TMEM135: variants seen among roughly 807,000 people sequenced by gnomAD.
TMEM135 encodes the protein transmembrane protein 135.
Under a neutral mutation model 60.3 loss-of-function variants are expected in TMEM135, and 30 were observed. The ratio of observed to expected loss-of-function variants is 0.50; its 90% CI spans 0.37 to 0.68. The LOEUF is 0.68. Ranked by LOEUF, TMEM135 falls within the 30% of genes least tolerant of loss-of-function variation. The probability of loss-of-function intolerance (pLI) is 0.00; values close to 1 mark genes in which losing one functional copy is unlikely to be tolerated. For missense variants in TMEM135, 468 were observed against 548.8 expected (o/e 0.85, Z 1.47); for synonymous variants, 190 against 186.7 (o/e 1.02, Z -0.14).
rs1021706746 is a variant in TMEM135 at position 87,321,730 on chromosome 11, G to A, written c.*397G>A. ...AAATTAGGATTATTTCTACATTTTA[G>A]GATTTACAAAGGATCACGGGTACAT... On this transcript the variant is annotated 3_prime_UTR_variant, in exon 15 of 15. Coordinates refer to ENST00000305494, the MANE Select transcript of TMEM135 (RefSeq NM_022918.4). 16 of 456,832 alleles carry A rather than the reference G, an allele frequency of 3.5e-5. No homozygotes were observed. Among genetic ancestry groups the A allele is most frequent in the African/African-American group, 2.8e-4 (14 of 50,208 alleles). 28.3% of individuals were successfully genotyped at this position (456,832 alleles called of 1,614,324 possible).
intron 6 of TMEM135, among the ~76,000 whole-genome samples, chr11:87,279,282 G>T (rs914807068): frequency 3.3e-5 from 5 of 152,110 alleles, no homozygotes; most frequent in African/African-American, 1.2e-4. Context: ...AGGGGAGATG[G>T]TGTGTCTACT....
At chr11:87,116,190 A>G (rs934063746) in intron 4 of TMEM135, among the ~76,000 whole-genome samples, 1 of 152,168 alleles carries the variant, frequency 6.6e-6, no homozygotes, top group African/African-American at 2.4e-5. Flanking sequence ...ATATATTGTC[A>G]TAGTTTAAAA....
In TMEM135 at chr11:87,175,894, A is replaced by G. The variant is rs577052110; in HGVS notation, c.462+18488A>G. On this transcript the variant is annotated intron_variant, in intron 5 of 14. Transcript: ENST00000305494. ...AAATGTTTCTTTGTAGAAACATACCAAAAGAATTTTGCATATAATATTAGG... is the reference window on the plus strand; with the variant it reads ...AAATGTTTCTTTGTAGAAACATACCGAAAGAATTTTGCATATAATATTAGG... Among the ~76,000 whole-genome samples the G allele has an allele frequency of 1.9e-3, 285 of 151,888 alleles. 4 individuals carry two copies. Among genetic ancestry groups the G allele is most frequent in the African/African-American group, 6.4e-3 (266 of 41,560 alleles).
At chr11:87,251,153 T>A (rs1021316802) in intron 6 of TMEM135, among the ~76,000 whole-genome samples, 9 of 152,010 alleles carry the variant, frequency 5.9e-5, no homozygotes, top group Non-Finnish European at 7.4e-5. Context: ...AACAGTTGGG[T>A]ATTCAGAGCT....
chr11:87,130,504 T>C (rs1346482705), intron 4 of TMEM135, among the ~76,000 whole-genome samples: 1 of 152,108 alleles, frequency 6.6e-6, no homozygotes, highest in African/African-American at 2.4e-5. Context: ...ATATTGACAG[T>C]TCCTCCTTGT....
At chr11:87,304,282 G>T (rs936908526) in intron 8 of TMEM135, among the ~76,000 whole-genome samples, 2 of 152,058 alleles carry the variant, frequency 1.3e-5, no homozygotes, top group Non-Finnish European at 2.9e-5. Context: ...GAGGTGGGAG[G>T]ATTGCTTGAG....
chr11:87,170,032 C>CACATGTTATTTTATTAA (rs147009946), intron 5 of TMEM135, among the ~76,000 whole-genome samples: 3 of 150,752 alleles, frequency 2.0e-5, no homozygotes, highest in East Asian at 2.0e-4. Flanking sequence ...ATCTTGTCTT[C>CACATGTTATTTTATTAA]GTTGATCTTC....
At chr11:87,184,527 A>G (rs1591085396) in intron 5 of TMEM135, among the ~76,000 whole-genome samples, 2 of 152,184 alleles carry the variant, frequency 1.3e-5, no homozygotes, top group Admixed American at 6.5e-5. Flanking sequence ...CTTAGCTCAT[A>G]TAGTAAATGA....
chr11:87,228,383 A>G (rs1399414215), intron 5 of TMEM135, among the ~76,000 whole-genome samples: 1 of 152,184 alleles, frequency 6.6e-6, no homozygotes, highest in Non-Finnish European at 1.5e-5. Context: ...GAGTTATAAA[A>G]TATTAGAAAC....
At position 87,100,733 on chromosome 11, in the gene TMEM135, G is replaced by A. The variant is rs1397421305; in HGVS notation, c.396+9338G>A. ...AAAAATTAGCCAGGCGTGGTGGCATGCGCCTGTAATCCTACCTACTAGGGA... is the reference window on the plus strand; with the variant it reads ...AAAAATTAGCCAGGCGTGGTGGCATACGCCTGTAATCCTACCTACTAGGGA... On this transcript the variant is annotated intron_variant, in intron 4 of 14. Coordinates refer to ENST00000305494, the MANE Select transcript of TMEM135 (RefSeq NM_022918.4). 2.6e-5 allele frequency among the ~76,000 whole-genome samples: 4 copies of A among 152,202 alleles called. No homozygotes were observed. The East Asian group carries it at 7.7e-4, about 29-fold the overall frequency.
At chr11:87,188,512 G>A (rs1305960854) in intron 5 of TMEM135, among the ~76,000 whole-genome samples, 1 of 125,010 alleles carries the variant, frequency 8.0e-6, no homozygotes, top group Non-Finnish European at 1.6e-5. Context: ...GACCAGCCTG[G>A]CCAACATGAT....
At chr11:87,154,425 A>T (rs1028359364) in intron 4 of TMEM135, among the ~76,000 whole-genome samples, 2 of 152,226 alleles carry the variant, frequency 1.3e-5, no homozygotes, top group African/African-American at 4.8e-5. Context: ...GTTGTAAATA[A>T]TACTACTGTG....
chr11:87,111,650 CA>C (rs746609752), intron 4 of TMEM135, among the ~76,000 whole-genome samples: 634 of 73,938 alleles, frequency 8.6e-3, no homozygotes, highest in South Asian at 0.016. Context: ...GACTCCGTCT[CA>C]AAAAAAAAAA....
At chr11:87,069,122 TAAAAATACA>T (rs1474756435) in intron 2 of TMEM135, among the ~76,000 whole-genome samples, 1 of 150,504 alleles carries the variant, frequency 6.6e-6, no homozygotes, top group African/African-American at 2.4e-5. Context: ...CCGTCTCTAC[TAAAAATACA>T]AAAAATTAGC....
chr11:87,087,233 T>C (rs1333673457), intron 3 of TMEM135, among the ~76,000 whole-genome samples: 1 of 151,678 alleles, frequency 6.6e-6, no homozygotes, highest in Non-Finnish European at 1.5e-5. Context: ...TATAGTTATG[T>C]CTGCTAAGAC....
At chr11:87,102,268 CT>C (rs377400200) in intron 4 of TMEM135, among the ~76,000 whole-genome samples, 20 of 152,192 alleles carry the variant, frequency 1.3e-4, no homozygotes, top group African/African-American at 4.6e-4. Flanking sequence ...CCACTACCCC[CT>C]CTTCAAGTTC....
At chr11:87,304,174 C>T (rs1417847995) in intron 8 of TMEM135, among the ~76,000 whole-genome samples, 5 of 152,080 alleles carry the variant, frequency 3.3e-5, no homozygotes, top group African/African-American at 1.2e-4. Context: ...AGTTTGAGAC[C>T]AGCCTAGGCA....
At chr11:87,252,493 C>T (rs117022469) in intron 6 of TMEM135, among the ~76,000 whole-genome samples, 5,555 of 152,164 alleles carry the variant, frequency 0.037, 136 homozygotes, top group Non-Finnish European at 0.05. Flanking sequence ...AGACATGGAG[C>T]CGGGCACAGT....
At chr11:87,311,608 TA>T (rs1325897866) in intron 10 of TMEM135, among the ~76,000 whole-genome samples, 2 of 152,058 alleles carry the variant, frequency 1.3e-5, no homozygotes, top group African/African-American at 4.8e-5. Flanking sequence ...TTTCTGTTAC[TA>T]TTTATTTACT....
Sources: gnomAD v4.1 joint callset for allele counts (sites outside exome capture counted in the v4.1 genomes callset) on GRCh38, gnomAD v4.1.1 for gene constraint, MANE v1.5 for transcripts, NCBI Gene and HGNC (gene_info 2026-07-23, HGNC 2026-07-21) for gene names.